PCMTD1: variants seen among roughly 807,000 people sequenced by gnomAD.
PCMTD1 encodes the protein protein-L-isoaspartate (D-aspartate) O-methyltransferase domain containing 1.
A neutral mutation model predicts 37.6 loss-of-function variants in PCMTD1; 12 were observed. That is an observed-to-expected ratio of 0.32 (90% CI 0.20 to 0.52). The LOEUF (loss-of-function observed/expected upper bound fraction) is 0.52, where lower values mean the gene tolerates loss of function less well. Among genes scored for constraint, PCMTD1 ranks in the 20% least tolerant of loss-of-function variants. The pLI, the probability that PCMTD1 is intolerant of heterozygous loss-of-function variation, is 0.97. For missense variants in PCMTD1, 235 were observed against 421.3 expected (o/e 0.56, Z 3.87); for synonymous variants, 117 against 135.8 (o/e 0.86, Z 0.96).
chr8:51,837,718 C>A (rs1008395452), intron 3 of PCMTD1, among the ~76,000 whole-genome samples: 1 of 152,164 alleles, frequency 6.6e-6, no homozygotes, highest in Non-Finnish European at 1.5e-5. Context: ...TCTGACTGGG[C>A]ACACTGTTAA....
rs542520093 is a variant in PCMTD1 at position 51,844,563 on chromosome 8, G to A, written c.410+1098C>T. On this transcript the variant is annotated intron_variant, in intron 3 of 5. Transcript: ENST00000522514. ...TCAACCAATCAAATGCCACTTGCCA[G>A]ACGATAAATACAAACTGGGATTGCA... is the stretch of plus-strand genomic sequence containing the variant. Among the ~76,000 whole-genome samples, 6 of 152,218 alleles carry A rather than the reference G, an allele frequency of 3.9e-5. No individual in the cohort carries two copies. In the South Asian group the frequency reaches 1.2e-3, roughly 32 times the overall value.
chr8:51,879,496 T>G (rs7017450), intron 1 of PCMTD1, among the ~76,000 whole-genome samples: 104,492 of 152,122 alleles, frequency 0.69, 42,373 homozygotes, highest in Non-Finnish European at 0.9. Context: ...GCTATAGGAA[T>G]TCATATATAA....
intron 3 of PCMTD1, among the ~76,000 whole-genome samples, chr8:51,844,114 C>A (rs2038184741): frequency 6.6e-6 from 1 of 152,032 alleles, no homozygotes; most frequent in Non-Finnish European, 1.5e-5. Context: ...ACTTACCATG[C>A]CACTATAATC....
chr8:51,884,310 A>G (rs77191371), intron 1 of PCMTD1, among the ~76,000 whole-genome samples: 3,790 of 152,328 alleles, frequency 0.025, 163 homozygotes, highest in African/African-American at 0.086. Flanking sequence ...ATATTTCAGT[A>G]TGAGAGAATA....
At chr8:51,843,806 A>G (rs2038180781) in intron 3 of PCMTD1, among the ~76,000 whole-genome samples, 1 of 152,156 alleles carries the variant, frequency 6.6e-6, no homozygotes, top group African/African-American at 2.4e-5. Context: ...TCACTGATTC[A>G]AGAGTCTTCC....
chr8:51,896,653 T>C (rs904509333), intron 1 of PCMTD1, among the ~76,000 whole-genome samples: 1 of 152,204 alleles, frequency 6.6e-6, no homozygotes, highest in Non-Finnish European at 1.5e-5. Context: ...ATTTTAGTAA[T>C]ATGCCACCAG....
At chr8:51,896,739 T>C (rs1169357852) in intron 1 of PCMTD1, among the ~76,000 whole-genome samples, 3 of 152,214 alleles carry the variant, frequency 2.0e-5, no homozygotes, top group Non-Finnish European at 4.4e-5. Context: ...GTGATTACAT[T>C]CATGTAGTTA....
At chr8:51,855,687 C>A (rs2038376157) in intron 2 of PCMTD1, among the ~76,000 whole-genome samples, 1 of 151,832 alleles carries the variant, frequency 6.6e-6, no homozygotes, top group Non-Finnish European at 1.5e-5. Flanking sequence ...GTTTTTGAGA[C>A]AGAGTCTCGC....
At chr8:51,829,360 G>C (rs2037967832) in intron 5 of PCMTD1, among the ~76,000 whole-genome samples, 1 of 152,220 alleles carries the variant, frequency 6.6e-6, no homozygotes. Context: ...TTCTTCCCAA[G>C]GGTGGAGGAA....
intron 5 of PCMTD1, among the ~76,000 whole-genome samples, chr8:51,821,086 T>C (rs1319092031): frequency 1.4e-5 from 2 of 146,156 alleles, no homozygotes; most frequent in Non-Finnish European, 2.9e-5. Context: ...GTATAAATCA[T>C]ATGAAAAGTA....
chr8:51,880,325 T>C (rs1168351966), intron 1 of PCMTD1, among the ~76,000 whole-genome samples: 1 of 152,144 alleles, frequency 6.6e-6, no homozygotes, highest in African/African-American at 2.4e-5. Flanking sequence ...AATGCAAAAT[T>C]AGAAAGACAA....
intron 3 of PCMTD1, among the ~76,000 whole-genome samples, chr8:51,837,992 G>T (rs1270454234): frequency 3.9e-5 from 6 of 152,142 alleles, no homozygotes; most frequent in African/African-American, 1.2e-4. Flanking sequence ...TAGAGATGTT[G>T]CCCAGGCTGG....
intron 1 of PCMTD1, among the ~76,000 whole-genome samples, chr8:51,877,970 T>A (rs994387708): frequency 5.9e-5 from 9 of 152,162 alleles, no homozygotes; most frequent in Middle Eastern, 3.2e-3. Flanking sequence ...ACTCTGTGTG[T>A]GTGTAATAAA....
At chr8:51,853,705 TAA>T (rs780977131) in intron 2 of PCMTD1, among the ~76,000 whole-genome samples, 20 of 152,098 alleles carry the variant, frequency 1.3e-4, no homozygotes, top group Non-Finnish European at 2.4e-4. Context: ...AAAATAAACT[TAA>T]GTGTTAGTGA....
chr8:51,845,880 CA>C, intron 2 of PCMTD1, 117 bp from the exon 3 acceptor site: 1 of 603,390 alleles, frequency 1.7e-6, no homozygotes, highest in Admixed American at 2.9e-5. Flanking sequence ...TTGAAATATG[CA>C]AATACTTCCT....
chr8:51,858,324 G>A (rs1195182596), intron 2 of PCMTD1, among the ~76,000 whole-genome samples: 1 of 149,094 alleles, frequency 6.7e-6, no homozygotes, highest in African/African-American at 2.5e-5. Flanking sequence ...GTTTATGGGG[G>A]AGCACCTGTT....
chr8:51,891,990 C>T (rs1224322374), intron 1 of PCMTD1, among the ~76,000 whole-genome samples: 1 of 152,110 alleles, frequency 6.6e-6, no homozygotes, highest in Non-Finnish European at 1.5e-5. Context: ...TCTGTTTATA[C>T]ATAAGTCTGA....
At chr8:51,845,036 C>T (rs1016821681) in intron 3 of PCMTD1, 1 of 152,238 alleles carries the variant, frequency 6.6e-6, no homozygotes, top group African/African-American at 2.4e-5. Flanking sequence ...CGTAAGTGCT[C>T]TTGCTCTATA....
chr8:51,862,492 A>G (rs2038488517), intron 1 of PCMTD1, among the ~76,000 whole-genome samples: 1 of 152,242 alleles, frequency 6.6e-6, no homozygotes, highest in Admixed American at 6.5e-5. Context: ...ATACAATTTA[A>G]GCTTTATTCA....
Sources: gnomAD v4.1 joint callset for allele counts (sites outside exome capture counted in the v4.1 genomes callset) on GRCh38, gnomAD v4.1.1 for gene constraint, MANE v1.5 for transcripts, NCBI Gene and HGNC (gene_info 2026-07-23, HGNC 2026-07-21) for gene names.